CPD: variants seen among roughly 807,000 people sequenced by gnomAD.
CPD encodes the protein carboxypeptidase D.
CPD carries 69 observed loss-of-function variants against 138.3 expected under a neutral mutation model. The observed-to-expected ratio is 0.50, with a 90% CI of 0.41 to 0.61. The LOEUF (loss-of-function observed/expected upper bound fraction) is 0.61, where lower values mean the gene tolerates loss of function less well. Ranked by LOEUF, CPD falls within the 20% of genes least tolerant of loss-of-function variation. CPD has a pLI of 0.00. For missense variants in CPD, 1,432 were observed against 1,733.3 expected (o/e 0.83, Z 3.09); for synonymous variants, 651 against 642.1 (o/e 1.01, Z -0.21).
At chr17:30,443,671 A>G in intron 10 of CPD, 131 bp from the exon 11 acceptor site, 2 of 835,686 alleles carry the variant, frequency 2.4e-6, no homozygotes, top group East Asian at 5.2e-5. Context: ...ATTGAACTTT[A>G]CTCTGAACTC....
rs112263164 is a variant in CPD, at chr17:30,457,584, G to A, written c.3498+1058G>A. ...CACCAAACTGTTTTCCACAGCAGCTGCACCATTTTACATTCCTTACCAGCA... is the reference window on the plus strand; with the variant it reads ...CACCAAACTGTTTTCCACAGCAGCTACACCATTTTACATTCCTTACCAGCA... On this transcript the variant is annotated intron_variant, in intron 17 of 20. Coordinates refer to ENST00000225719, the MANE Select transcript of CPD (RefSeq NM_001304.5). Among the ~76,000 whole-genome samples the A allele has an allele frequency of 1.7e-3, 265 of 151,950 alleles. 1 individual carries two copies. The highest frequency in any genetic ancestry group is 5.8e-3 in the African/African-American group (241 of 41,466).
intron 10 of CPD, among the ~76,000 whole-genome samples, chr17:30,442,914 A>G (rs1211177017): frequency 6.6e-6 from 1 of 152,162 alleles, no homozygotes; most frequent in Non-Finnish European, 1.5e-5. Flanking sequence ...TAAGAAATAT[A>G]CTAATGTTAA....
chr17:30,442,462 G>A lies in CPD; in HGVS notation c.2373+12G>A. ...AGTTTATGAAACAGGTGACTATTCA[G>A]GAGTGAAGTATGAAATTTCTCCCGA... On this transcript the variant is annotated intron_variant, in intron 10 of 20. Transcript: ENST00000225719. 47 of 1,607,642 alleles carry A rather than the reference G, an allele frequency of 2.9e-5. No individual in the cohort carries two copies. Among genetic ancestry groups the A allele is most frequent in the Non-Finnish European group, 3.9e-5 (46 of 1,175,292 alleles).
intron 8 of CPD, among the ~76,000 whole-genome samples, chr17:30,434,108 T>C (rs73277581): frequency 0.017 from 2,567 of 152,250 alleles, 62 homozygotes; most frequent in African/African-American, 0.052. Context: ...TCTTCAAAAC[T>C]TCTCAAAAGT....
intron 2 of CPD, among the ~76,000 whole-genome samples, chr17:30,404,035 T>G (rs1911743362): frequency 1.3e-5 from 2 of 152,196 alleles, no homozygotes; most frequent in Admixed American, 1.3e-4. Flanking sequence ...TGATTTTATT[T>G]ATATGACATT....
chr17:30,452,282 CTTT>C (rs1169994571), intron 14 of CPD, among the ~76,000 whole-genome samples: 2 of 139,964 alleles, frequency 1.4e-5, no homozygotes. Context: ...CATTCTTTTT[CTTT>C]TTTTTTTTTT....
chr17:30,463,812 C>T (rs972117453), intron 20 of CPD, among the ~76,000 whole-genome samples: 2 of 152,182 alleles, frequency 1.3e-5, no homozygotes, highest in East Asian at 3.8e-4. Context: ...GTGTAAATAA[C>T]TTAGTGGTTA....
intron 10 of CPD, among the ~76,000 whole-genome samples, chr17:30,443,115 A>T (rs945241101): frequency 9.9e-5 from 15 of 152,174 alleles, no homozygotes; most frequent in Admixed American, 4.6e-4. Context: ...CATTTTTAAC[A>T]TTTTGTTATA....
chr17:30,388,533 C>T (rs760223004), intron 2 of CPD, among the ~76,000 whole-genome samples: 3 of 152,202 alleles, frequency 2.0e-5, no homozygotes, highest in Non-Finnish European at 4.4e-5. Flanking sequence ...AGTGCGCCGC[C>T]TCAGCTCCAA....
intron 2 of CPD, among the ~76,000 whole-genome samples, chr17:30,414,581 G>A (rs537162633): frequency 2.9e-4 from 43 of 148,300 alleles, no homozygotes; most frequent in East Asian, 5.8e-4. Flanking sequence ...AGACTGTCTC[G>A]GAAAAAAAAA....
intron 9 of CPD, among the ~76,000 whole-genome samples, chr17:30,442,049 T>C (rs935490441): frequency 1.3e-5 from 2 of 151,932 alleles, no homozygotes; most frequent in African/African-American, 4.8e-5. Context: ...CCTGGACTCT[T>C]TTTGGTTGGT....
chr17:30,391,750 A>G (rs924916700), intron 2 of CPD, among the ~76,000 whole-genome samples: 1 of 152,106 alleles, frequency 6.6e-6, no homozygotes, highest in Non-Finnish European at 1.5e-5. Flanking sequence ...TAAGATAAAT[A>G]CTATCTACTC....
At position 30,466,132 on chromosome 17, in the gene CPD, TATC is replaced by T. The variant is rs1198924008; in HGVS notation, c.*1321_*1323del. ...GATTTGCATTTTATTATGTCTGTCT[TATC>T]ATGCAATGGAAATGATGCTTTTTGT... On this transcript the variant is annotated 3_prime_UTR_variant, in exon 21 of 21. Transcript: ENST00000225719. 6.6e-6 allele frequency: 1 copy of T among 152,666 alleles called. No individual in the cohort carries two copies. The highest frequency in any genetic ancestry group is 1.5e-5 in the Non-Finnish European group (1 of 68,030). The allele number at this position is 152,666 out of a possible 1,614,324, so 9.5% of individuals were successfully genotyped here.
chr17:30,379,377 A>T lies in CPD; in HGVS notation c.397A>T (p.Lys133Ter). Residue 133 changes from lysine to a stop codon, truncating the protein, a stop_gained, in exon 1 of 21, where the codon AAG (lysine) becomes TAG (stop). Coordinates refer to ENST00000225719, the MANE Select transcript of CPD (RefSeq NM_001304.5). LOFTEE classifies it high-confidence loss of function. This position sits in a 1 kb window ranked among gnomAD's most constrained non-coding sequence, Gnocchi z 7.0. ...GCTGCTGCCCGGCCGGCCCCAGGTG[A>T]AGCTGGTGGGCAACATGCATGGCGA... Reference protein sequence around the residue: ...GPLLPGRPQVKLVGNMHGDET... With the variant: ...GPLLPGRPQV 6.6e-7 allele frequency: 1 copy of T among 1,519,514 alleles called. No individual in the cohort carries two copies. The highest frequency in any genetic ancestry group is 8.8e-7 in the Non-Finnish European group (1 of 1,141,916). The allele number at this position is 1,519,514 out of a possible 1,614,324, so 94.1% of individuals were successfully genotyped here. A position where few individuals can be genotyped will look rare whatever the true frequency, so the allele number is the denominator to read the frequency against.
intron 17 of CPD, 104 bp downstream of exon 17, chr17:30,456,630 T>C: frequency 8.8e-7 from 1 of 1,134,168 alleles, no homozygotes; most frequent in Non-Finnish European, 1.3e-6. Context: ...TTTTCTGAGT[T>C]TGGGAGTTCA....
intron 17 of CPD, among the ~76,000 whole-genome samples, chr17:30,458,484 G>A (rs1232957308): frequency 6.6e-6 from 1 of 151,930 alleles, no homozygotes; most frequent in Non-Finnish European, 1.5e-5. Flanking sequence ...TTTTTTGGAG[G>A]GCAAATGTGG....
At position 30,379,794 on chromosome 17, in the gene CPD, GT is replaced by G; in HGVS notation, c.746+69del. On this transcript the variant is annotated intron_variant, in intron 1 of 20. Coordinates refer to ENST00000225719, the MANE Select transcript of CPD (RefSeq NM_001304.5). This position sits in a 1 kb window ranked among gnomAD's most constrained non-coding sequence, Gnocchi z 7.0. ...GGGCCGAGGCTGGTTCCGGCACCCA[GT>G]AGGCGCTCAGACAATGCTGGCATAA... 1 of 1,154,408 alleles carries G rather than the reference GT, an allele frequency of 8.7e-7. No individual in the cohort carries two copies. Among genetic ancestry groups the G allele is most frequent in the Non-Finnish European group, 1.1e-6 (1 of 874,866 alleles). 71.5% of individuals were successfully genotyped at this position (1,154,408 alleles called of 1,614,324 possible). A position where few individuals can be genotyped will look rare whatever the true frequency, so the allele number is the denominator to read the frequency against.
chr17:30,461,752 A>G, intron 18 of CPD, 125 bp from the exon 19 acceptor site: 2 of 725,820 alleles, frequency 2.8e-6, no homozygotes, highest in South Asian at 4.3e-5. Context: ...AGAGTTTGAT[A>G]CTTGTTTGTG....
At chr17:30,407,290 C>G (rs1453442294) in intron 2 of CPD, among the ~76,000 whole-genome samples, 2 of 152,122 alleles carry the variant, frequency 1.3e-5, no homozygotes, top group African/African-American at 4.8e-5. Flanking sequence ...GTGCATGTGT[C>G]TTTATAGTAG....
Sources: gnomAD v4.1 joint callset for allele counts (sites outside exome capture counted in the v4.1 genomes callset) on GRCh38, gnomAD v4.1.1 for gene constraint, Gnocchi (gnomAD v3.1) non-coding constraint, MANE v1.5 for transcripts, NCBI Gene and HGNC (gene_info 2026-07-23, HGNC 2026-07-21) for gene names.